GAD2: variants seen among roughly 807,000 people sequenced by gnomAD.
The protein encoded by GAD2 is glutamate decarboxylase 2, also known as 65 kDa glutamic acid decarboxylase.
Under a neutral mutation model 80.1 loss-of-function variants are expected in GAD2, and 22 were observed. The observed-to-expected ratio is 0.27, with a 90% CI of 0.20 to 0.39. GAD2 has a LOEUF of 0.39. Among genes scored for constraint, GAD2 ranks in the 10% least tolerant of loss-of-function variants. The pLI, the probability that GAD2 is intolerant of heterozygous loss-of-function variation, is 1.00. For missense variants in GAD2, 624 were observed against 738.4 expected (o/e 0.85, Z 1.80); for synonymous variants, 274 against 256.9 (o/e 1.07, Z -0.64).
intron 4 of GAD2, among the ~76,000 whole-genome samples, chr10:26,221,311 G>A (rs1844448941): frequency 6.6e-6 from 1 of 152,134 alleles, no homozygotes; most frequent in African/African-American, 2.4e-5. Context: ...TTTCCACTTG[G>A]GCTCCAAGCT....
At chr10:26,253,832 A>C (rs1459174183) in intron 8 of GAD2, among the ~76,000 whole-genome samples, 1 of 152,156 alleles carries the variant, frequency 6.6e-6, no homozygotes, top group Non-Finnish European at 1.5e-5. Context: ...AGAAGAGGCA[A>C]AAATGTCCCA....
intron 8 of GAD2, among the ~76,000 whole-genome samples, chr10:26,256,893 T>G (rs1271933402): frequency 6.6e-6 from 1 of 152,208 alleles, no homozygotes; most frequent in Non-Finnish European, 1.5e-5. Context: ...ACCCACTAGT[T>G]TAGCATCTAC....
intron 7 of GAD2, among the ~76,000 whole-genome samples, chr10:26,232,875 G>C (rs1844623069): frequency 6.6e-6 from 1 of 152,086 alleles, no homozygotes; most frequent in South Asian, 2.1e-4. Context: ...TCTCCTTCTT[G>C]TGTCTCTATC....
rs184027366 is a variant in GAD2, at chr10:26,292,540, C to A, written c.1462C>A (p.Arg488=). 28 of 1,613,728 alleles carry A rather than the reference C, an allele frequency of 1.7e-5. No individual in the cohort carries two copies. In the Admixed American group the frequency reaches 3.0e-4, roughly 17 times the overall value. The stretch of plus-strand genomic sequence containing the variant: ...GTATTTATACAACATCATAAAAAAC[C>A]GAGAAGGATATGAGATGGTGTTTGA... ...AEYLYNIIKN[R]EGYEMVFDGK... Residue 488 remains arginine, a synonymous_variant, in exon 14 of 16, where the codon CGA becomes AGA. Coordinates refer to ENST00000376261, the MANE Select transcript of GAD2 (RefSeq NM_001134366.2).
intron 7 of GAD2, among the ~76,000 whole-genome samples, chr10:26,235,967 C>T (rs1351039517): frequency 1.3e-5 from 2 of 152,170 alleles, no homozygotes; most frequent in Non-Finnish European, 2.9e-5. Flanking sequence ...TTAGGCAAAT[C>T]ACCGTAACTA....
At position 26,281,067 on chromosome 10, in the gene GAD2, G is replaced by A; in HGVS notation, c.1216G>A (p.Ala406Thr). ...KMMGVPLQCS[A>T]LLVREEGLMQ... ...GATGGGAGTCCCTTTGCAGTGCTCT[G>A]CTCTCCTGGTTAGAGAAGAGGTATG... The change falls in exon 12 of 16, where the codon GCT becomes ACT. Residue 406 changes from alanine to threonine, a missense_variant. Coordinates refer to ENST00000376261, the MANE Select transcript of GAD2 (RefSeq NM_001134366.2). The A allele has an allele frequency of 1.2e-6, 2 of 1,612,750 alleles. No individual in the cohort carries two copies. Among genetic ancestry groups the A allele is most frequent in the Non-Finnish European group, 1.7e-6 (2 of 1,178,904 alleles).
chr10:26,224,863 C>T (rs1359577452), intron 6 of GAD2: 4 of 520,048 alleles, frequency 7.7e-6, no homozygotes, highest in Non-Finnish European at 1.4e-5. Context: ...TATTTGTGTG[C>T]AAAGTGAGCA....
At chr10:26,275,006 C>T (rs1845182024) in intron 11 of GAD2, among the ~76,000 whole-genome samples, 1 of 152,218 alleles carries the variant, frequency 6.6e-6, no homozygotes, top group Non-Finnish European at 1.5e-5. Flanking sequence ...GTGTCTCCCT[C>T]CCAGGGTCAG....
intron 7 of GAD2, among the ~76,000 whole-genome samples, chr10:26,234,948 C>T (rs1411632597): frequency 6.6e-6 from 1 of 152,186 alleles, no homozygotes; most frequent in Non-Finnish European, 1.5e-5. Context: ...TCTCAGCTCA[C>T]TGCAATCTCT....
chr10:26,277,606 G>T (rs78721548), intron 11 of GAD2, among the ~76,000 whole-genome samples: 2,244 of 152,276 alleles, frequency 0.015, 61 homozygotes, highest in African/African-American at 0.05. Flanking sequence ...TCCAGGTGCA[G>T]GACAGGAAAG....
intron 15 of GAD2, 122 bp downstream of exon 15, chr10:26,293,113 T>C: frequency 1.7e-5 from 12 of 703,636 alleles, no homozygotes; most frequent in South Asian, 1.7e-4. Context: ...CCCATTCCCG[T>C]CTGTGGACTC....
intron 15 of GAD2, among the ~76,000 whole-genome samples, chr10:26,298,974 T>G (rs1319148279): frequency 1.3e-5 from 2 of 152,200 alleles, no homozygotes; most frequent in Non-Finnish European, 2.9e-5. Context: ...CTTAATGCTT[T>G]AGGTGAAAGA....
intron 15 of GAD2, among the ~76,000 whole-genome samples, chr10:26,298,164 G>T (rs895672996): frequency 6.6e-6 from 1 of 152,130 alleles, no homozygotes; most frequent in Non-Finnish European, 1.5e-5. Context: ...GTCTCATAGC[G>T]CCTATTGTTA....
chr10:26,293,646 AG>A (rs1834243425), intron 15 of GAD2, among the ~76,000 whole-genome samples: 2 of 152,332 alleles, frequency 1.3e-5, no homozygotes, highest in South Asian at 4.2e-4. Flanking sequence ...CAAGCACAAA[AG>A]AGACTTTAGG....
chr10:26,267,726 C>A (rs757431662), intron 8 of GAD2, among the ~76,000 whole-genome samples: 1 of 151,552 alleles, frequency 6.6e-6, no homozygotes, highest in Non-Finnish European at 1.5e-5. Context: ...GGTTTCATGT[C>A]TGCTTTATAT....
intron 8 of GAD2, among the ~76,000 whole-genome samples, chr10:26,261,539 A>G (rs1366747981): frequency 1.3e-5 from 2 of 152,070 alleles, no homozygotes; most frequent in African/African-American, 4.8e-5. Context: ...CTTTTCTTTG[A>G]TGGGAGATTT....
chr10:26,248,619 A>AG (rs1223645876), intron 8 of GAD2, among the ~76,000 whole-genome samples: 1 of 152,176 alleles, frequency 6.6e-6, no homozygotes, highest in Non-Finnish European at 1.5e-5. Flanking sequence ...AGTGCCTGGA[A>AG]TTTCCCTTGA....
intron 7 of GAD2, among the ~76,000 whole-genome samples, chr10:26,232,489 T>C (rs1284558703): frequency 6.7e-6 from 1 of 149,552 alleles, no homozygotes; most frequent in Non-Finnish European, 1.5e-5. Context: ...TTTTTTTTTT[T>C]TTTGAGTCAG....
intron 3 of GAD2, chr10:26,218,447 A>G (rs906616816): frequency 6.3e-6 from 1 of 158,392 alleles, no homozygotes; most frequent in African/African-American, 2.4e-5. Flanking sequence ...TTCACATGAA[A>G]CCCGCGCGCC....
Sources: gnomAD v4.1 joint callset for allele counts (sites outside exome capture counted in the v4.1 genomes callset) on GRCh38, gnomAD v4.1.1 for gene constraint, MANE v1.5 for transcripts, NCBI Gene and HGNC (gene_info 2026-07-23, HGNC 2026-07-21) for gene names.